Variants in DCHS1 observed in about 807,000 individuals in gnomAD.
DCHS1 encodes protocadherin-16.
Under a neutral mutation model 213.9 loss-of-function variants are expected in DCHS1, and 78 were observed. The observed-to-expected ratio is 0.36, with a 90% CI of 0.30 to 0.44. DCHS1 has a LOEUF of 0.44. Ranked by LOEUF, DCHS1 falls within the 20% of genes least tolerant of loss-of-function variation. The pLI is 1.00. For synonymous variants in DCHS1, 1,828 were observed against 1,873.7 expected (o/e 0.98, Z 0.63); for missense variants, 3,946 against 4,395.9 (o/e 0.90, Z 2.89).
Position 6,627,658 on chromosome 11 carries a change from G to C in DCHS1, c.5381C>G (p.Pro1794Arg). The C allele has an allele frequency of 6.2e-7, 1 of 1,612,372 alleles. No individual in the cohort carries two copies. Among genetic ancestry groups the C allele is most frequent in the Non-Finnish European group, 8.5e-7 (1 of 1,179,234 alleles). ...QLQYRILDGD[P>R]SGAFVLDLAS... ...AAGGTCTAGGACAAAGGCTCCTGAT[G>C]GGTCCCCATCTGCAGAGAAGGGCAT... is the stretch of plus-strand genomic sequence containing the variant. Residue 1794 changes from proline (P) to arginine (R), a missense_variant, in exon 14 of 21, where the codon CCA becomes CGA. By Grantham distance (103) the Pro-to-Arg change is moderately radical (BLOSUM62 -2). Around this residue, in one of 3 missense-constraint regions of DCHS1, gnomAD observed 3,384 missense variants for 3,780.1 expected, o/e 0.90. Transcript: ENST00000299441. The surrounding 1 kb of genome is among the most constrained non-coding windows in gnomAD (Gnocchi z 5.4).
rs771482735 is a variant in DCHS1, at chr11:6,631,182, G to T, written c.3801C>A (p.His1267Gln). 7 of 1,611,658 alleles carry T rather than the reference G, an allele frequency of 4.3e-6. No individual in the cohort carries two copies. In the South Asian group the frequency reaches 7.7e-5, roughly 18 times the overall value. The stretch of plus-strand genomic sequence containing the variant: ...CAGTGAGCAGCTCCCCTGAGTGAGG[G>T]TGCAGAGAGAAAAGCTCTGAGCCAG... ...TGPGSELFSL[H>Q]PHSGELLTAA... Residue 1267 changes from histidine to glutamine, a missense_variant, in exon 9 of 21, where the codon CAC becomes CAA. By Grantham distance (24) the His-to-Gln change is conservative (BLOSUM62 0). Around this residue, in one of 3 missense-constraint regions of DCHS1, gnomAD observed 3,384 missense variants for 3,780.1 expected, o/e 0.90. Coordinates refer to ENST00000299441, the MANE Select transcript of DCHS1 (RefSeq NM_003737.4).
In DCHS1 at chr11:6,622,261, C is replaced by T. The variant is rs1344899692; in HGVS notation, c.9415G>A (p.Gly3139Ser). ...PTGDYGFPAD[G>S]KPCVAGALTA... Reference sequence around the variant, plus strand: ...AGCGCACCTGCCACACATGGCTTGCCATCTGCTGGGAAGCCATAGTCCCCA... The same window carrying T: ...AGCGCACCTGCCACACATGGCTTGCTATCTGCTGGGAAGCCATAGTCCCCA... The change falls in exon 21 of 21, where the codon GGC becomes AGC. Residue 3139 changes from glycine to serine, a missense_variant. Gly to Ser is a moderately conservative substitution (Grantham distance 56). This residue lies in a region of DCHS1 where 554 missense variants were observed against 590.2 expected (regional missense o/e 0.94). Coordinates refer to ENST00000299441, the MANE Select transcript of DCHS1 (RefSeq NM_003737.4). The surrounding 1 kb of genome is among the most constrained non-coding windows in gnomAD (Gnocchi z 5.4). 6.2e-7 allele frequency: 1 copy of T among 1,604,640 alleles called. No homozygotes were observed. Among genetic ancestry groups the T allele is most frequent in the Non-Finnish European group, 8.5e-7 (1 of 1,176,650 alleles).
rs749367746 is a variant in DCHS1, at chr11:6,622,037, G to C, written c.9639C>G (p.Ala3213=). The change falls in exon 21 of 21, where the codon GCC becomes GCG. Residue 3213 remains alanine (A), a synonymous_variant. Transcript: ENST00000299441. The surrounding 1 kb of genome is among the most constrained non-coding windows in gnomAD (Gnocchi z 5.4). ...PLITAVAHPG[A]KSVPPKPANT... is the part of the protein sequence containing the mutation. The stretch of plus-strand genomic sequence containing the variant: ...TTGCTGGCTTGGGGGGCACAGACTT[G>C]GCTCCTGGGTGGGCCACGGCAGTGA... The C allele has an allele frequency of 5.0e-6, 8 of 1,613,044 alleles. No individual in the cohort carries two copies. The highest frequency in any genetic ancestry group is 5.9e-6 in the Non-Finnish European group (7 of 1,179,682).
chr11:6,640,894 C>A lies in DCHS1; in HGVS notation c.720G>T (p.Leu240=), dbSNP rs1278706968. The A allele has an allele frequency of 3.1e-6, 5 of 1,614,072 alleles. No individual in the cohort carries two copies. In the South Asian group the frequency reaches 5.5e-5, roughly 18 times the overall value. The change falls in exon 2 of 21, where the codon CTG becomes CTT. Residue 240 remains leucine, a synonymous_variant. Transcript: ENST00000299441. The surrounding 1 kb of genome is among the most constrained non-coding windows in gnomAD (Gnocchi z 6.5). ...TGATGTCCAGCAGTGTCACGTCCAG[C>A]AGGGCCTGGGCCCTCCGGGGGGGTG... is the stretch of plus-strand genomic sequence containing the variant. The part of the protein sequence containing the change: ...GGSPPRRAQA[L]LDVTLLDIND...
In DCHS1 at chr11:6,627,173, G is replaced by A. The variant is rs755681858; in HGVS notation, c.5866C>T (p.His1956Tyr). ...VTITVRDVND[H>Y]APTFPTSPLR... ...GGACTGGTGGGGAAGGTGGGTGCAT[G>A]GTCATTGACATCGCGCACCGTGATG... The change falls in exon 14 of 21, where the codon CAT becomes TAT. Residue 1956 changes from histidine (H) to tyrosine (Y), a missense_variant. Transcript: ENST00000299441. The surrounding 1 kb of genome is among the most constrained non-coding windows in gnomAD (Gnocchi z 5.4). The A allele has an allele frequency of 1.9e-6, 3 of 1,612,440 alleles. No individual in the cohort carries two copies. The highest frequency in any genetic ancestry group is 2.5e-6 in the Non-Finnish European group (3 of 1,179,148).
chr11:6,634,212 A>G lies in DCHS1; in HGVS notation c.1892T>C (p.Ile631Thr). 1.9e-6 allele frequency: 3 copies of G among 1,613,974 alleles called. No homozygotes were observed. The highest frequency in any genetic ancestry group is 1.1e-5 in the South Asian group (1 of 91,068). ...LGSSGSPPFR[I>T]DAHSGDVCTT... The stretch of plus-strand genomic sequence containing the variant: ...GCACACATCACCGCTGTGGGCATCA[A>G]TGCGGAATGGGGGAGATCCGGAGGA... The change falls in exon 3 of 21, where the codon ATT becomes ACT. Residue 631 changes from isoleucine (I) to threonine (T), a missense_variant. By Grantham distance (89) the Ile-to-Thr change is moderately conservative. Coordinates refer to ENST00000299441, the MANE Select transcript of DCHS1 (RefSeq NM_003737.4).
At chr11:6,630,898 A>G in intron 9 of DCHS1, 35 bp from the exon 10 acceptor site, 1 of 1,498,738 alleles carries the variant, frequency 6.7e-7, no homozygotes, top group East Asian at 2.4e-5. Context: ...CAGAATTGTG[A>G]GGGCCCGTGT....
Position 6,641,772 on chromosome 11 carries a change from G to A in DCHS1, c.-120-39C>T. On this transcript the variant is annotated intron_variant, in intron 1 of 20. Coordinates refer to ENST00000299441, the MANE Select transcript of DCHS1 (RefSeq NM_003737.4). This position sits in a 1 kb window ranked among gnomAD's most constrained non-coding sequence, Gnocchi z 7.1. ...GAAGGAAACGGGTCATGACAGAGGA[G>A]GGATCAGCAGTCCAGATAACCTGGA... is the stretch of plus-strand genomic sequence containing the variant. The A allele has an allele frequency of 7.1e-7, 1 of 1,417,864 alleles. No homozygotes were observed. Among genetic ancestry groups the A allele is most frequent in the South Asian group, 1.5e-5 (1 of 65,892 alleles). The allele number at this position is 1,417,864 out of a possible 1,614,324, so 87.8% of individuals were successfully genotyped here. A position where few individuals can be genotyped will look rare whatever the true frequency, so the allele number is the denominator to read the frequency against.
Position 6,625,571 on chromosome 11 carries a change from A to G in DCHS1, c.6862+26T>C. The G allele has an allele frequency of 6.2e-7, 1 of 1,613,322 alleles. No homozygotes were observed. The highest frequency in any genetic ancestry group is 8.5e-7 in the Non-Finnish European group (1 of 1,179,768). ...GAAAAATGTCTCTCTGCCACCCTTT[A>G]TGCCACCCACTTTACCCAGCCTCAC... On this transcript the variant is annotated intron_variant, in intron 18 of 20. Transcript: ENST00000299441. This position sits in a 1 kb window ranked among gnomAD's most constrained non-coding sequence, Gnocchi z 5.3.
chr11:6,630,829 G>C lies in DCHS1; in HGVS notation c.3965C>G (p.Pro1322Arg). The change falls in exon 10 of 21, where the codon CCA (proline) becomes CGA (arginine). Residue 1322 changes from proline (P) to arginine (R), a missense_variant. Pro to Arg is a moderately radical substitution (Grantham distance 103). Around this residue, in one of 3 missense-constraint regions of DCHS1, gnomAD observed 3,384 missense variants for 3,780.1 expected, o/e 0.90. Coordinates refer to ENST00000299441, the MANE Select transcript of DCHS1 (RefSeq NM_003737.4). The part of the protein sequence containing the change: ...LPSARLAEPP[P>R]DLAERDPAAP... ...CGCTGGGTCCCGCTCTGCGAGATCT[G>C]GGGGCGGCTCGGCCAAGCGAGCTGA... 1 of 1,529,964 alleles carries C rather than the reference G, an allele frequency of 6.5e-7. No homozygotes were observed. Among genetic ancestry groups the C allele is most frequent in the Non-Finnish European group, 8.8e-7 (1 of 1,134,714 alleles). 94.8% of individuals were successfully genotyped at this position (1,529,964 alleles called of 1,614,324 possible).
Position 6,626,242 on chromosome 11 carries a change from G to T in DCHS1, c.6503C>A (p.Ala2168Asp). The change falls in exon 16 of 21, where the codon GCT becomes GAT. Residue 2168 changes from alanine to aspartate, a missense_variant. This residue lies in a region of DCHS1 where 3,384 missense variants were observed against 3,780.1 expected (regional missense o/e 0.90). Transcript: ENST00000299441. This position sits in a 1 kb window ranked among gnomAD's most constrained non-coding sequence, Gnocchi z 5.2. ...TLTLQDANDN[A>D]PRFLRPHYVA... is the part of the protein sequence containing the mutation. ...ATAATGGGGCCGCAGGAAACGGGGA[G>T]CATTGTCGTTGGCATCTTGCAGGGT... The T allele has an allele frequency of 6.2e-7, 1 of 1,612,372 alleles. No individual in the cohort carries two copies. The highest frequency in any genetic ancestry group is 8.5e-7 in the Non-Finnish European group (1 of 1,179,206).
Position 6,622,907 on chromosome 11 carries a change from G to A in DCHS1, c.8769C>T (p.Thr2923=), listed in dbSNP as rs137942716. The part of the protein sequence containing the change: ...SATVPVTVDI[T]HTALGLAPDL... ...CAGGTGCCAGGCCCAGTGCGGTGTG[G>A]GTGATATCCACGGTCACAGGCACTG... The change falls in exon 21 of 21, where the codon ACC becomes ACT. Residue 2923 remains threonine (T), a synonymous_variant. Coordinates refer to ENST00000299441, the MANE Select transcript of DCHS1 (RefSeq NM_003737.4). This position sits in a 1 kb window ranked among gnomAD's most constrained non-coding sequence, Gnocchi z 5.4. 3.1e-5 allele frequency: 50 copies of A among 1,596,382 alleles called. No homozygotes were observed. The East Asian group carries it at 5.7e-4, about 18-fold the overall frequency.
Position 6,627,060 on chromosome 11 carries a change from A to T in DCHS1, c.5979T>A (p.Ala1993=). The T allele has an allele frequency of 6.2e-7, 1 of 1,613,596 alleles. No homozygotes were observed. The highest frequency in any genetic ancestry group is 1.7e-5 in the Admixed American group (1 of 60,028). ...GGTACAGAATGGAAGCATTGGCACC[A>T]GCATCACGATCTTCAGCTCTCAGTG... ...LATLRAEDRD[A]GANASILYRL... is the part of the protein sequence containing the mutation. The change falls in exon 14 of 21, where the codon GCT becomes GCA. Residue 1993 remains alanine (A), a synonymous_variant. Transcript: ENST00000299441. This position sits in a 1 kb window ranked among gnomAD's most constrained non-coding sequence, Gnocchi z 5.4.
rs1856307792 is a variant in DCHS1, at chr11:6,655,769, G to A, written c.-327C>T. ...GTCCGTCCGCTGACGCCCGGGCGCC[G>A]CCTCCTGCACAGCCGCCCCGCCGAG... is the stretch of plus-strand genomic sequence containing the variant. On this transcript the variant is annotated 5_prime_UTR_variant, in exon 1 of 21. Coordinates refer to ENST00000299441, the MANE Select transcript of DCHS1 (RefSeq NM_003737.4). 2.0e-6 allele frequency: 2 copies of A among 980,084 alleles called. No homozygotes were observed. The highest frequency in any genetic ancestry group is 2.4e-6 in the Non-Finnish European group (2 of 827,850). 60.7% of individuals were successfully genotyped at this position (980,084 alleles called of 1,614,324 possible).
At position 6,625,540 on chromosome 11, in the gene DCHS1, G is replaced by A; in HGVS notation, c.6862+57C>T. 6.2e-7 allele frequency: 1 copy of A among 1,611,554 alleles called. No individual in the cohort carries two copies. The highest frequency in any genetic ancestry group is 8.5e-7 in the Non-Finnish European group (1 of 1,179,230). On this transcript the variant is annotated intron_variant, in intron 18 of 20. Transcript: ENST00000299441. This position sits in a 1 kb window ranked among gnomAD's most constrained non-coding sequence, Gnocchi z 5.3. The stretch of plus-strand genomic sequence containing the variant: ...GACACAGCCCCACCTTGAGCTGCAG[G>A]GTGGAGAAAAATGTCTCTCTGCCAC...
Position 6,630,153 on chromosome 11 carries a change from G to C in DCHS1, c.4641C>G (p.Ala1547=), listed in dbSNP as rs746808175. Residue 1547 remains alanine, a synonymous_variant, in exon 10 of 21, where the codon GCC becomes GCG. Coordinates refer to ENST00000299441, the MANE Select transcript of DCHS1 (RefSeq NM_003737.4). ...TDENDNAPVF[A]SPSRVRLPED... is the part of the protein sequence containing the mutation. ...CTGGGAGGCGCACGCGTGACGGCGA[G>C]GCGAAGACAGGCGCGTTGTCATTCT... is the stretch of plus-strand genomic sequence containing the variant. 1 of 1,602,252 alleles carries C rather than the reference G, an allele frequency of 6.2e-7. No homozygotes were observed. Among genetic ancestry groups the C allele is most frequent in the Admixed American group, 1.7e-5 (1 of 58,898 alleles).
At chr11:6,642,215 T>C (rs891347624) in intron 1 of DCHS1, among the ~76,000 whole-genome samples, 2 of 152,150 alleles carry the variant, frequency 1.3e-5, no homozygotes, top group Admixed American at 6.6e-5. Flanking sequence ...AAGGGAATGA[T>C]GTTGTTTCCT....
chr11:6,621,961 T>TG lies in DCHS1; in HGVS notation c.9714dup (p.Ile3239HisfsTer4). 2 of 1,612,860 alleles carry TG rather than the reference T, an allele frequency of 1.2e-6. No individual in the cohort carries two copies. The highest frequency in any genetic ancestry group is 1.7e-6 in the Non-Finnish European group (2 of 1,179,636). On this transcript the variant is annotated frameshift_variant, in exon 21 of 21. Transcript: ENST00000299441. LOFTEE classifies it high-confidence loss of function. ...GAGGACAGGGAGCCTTCATGGCTGATGGGGGAGCGGTGAGAAGCTGGTGGG... is the reference window on the plus strand; with the variant it reads ...GAGGACAGGGAGCCTTCATGGCTGATGGGGGGAGCGGTGAGAAGCTGGTGGG...
Position 6,630,750 on chromosome 11 carries a change from G to A in DCHS1, c.4044C>T (p.Gly1348=). The change falls in exon 10 of 21, where the codon GGC becomes GGT. Residue 1348 remains glycine, a synonymous_variant. Coordinates refer to ENST00000299441, the MANE Select transcript of DCHS1 (RefSeq NM_003737.4). ...GCGCTGCCACCGAGCCCAACAGAGA[G>A]CCGGGCCGCAGTCCCTCAGCTGCTG... The part of the protein sequence containing the change: ...TVTAAEGLRP[G]SLLGSVAAPE... 1 of 1,545,690 alleles carries A rather than the reference G, an allele frequency of 6.5e-7. No homozygotes were observed. The highest frequency in any genetic ancestry group is 8.7e-7 in the Non-Finnish European group (1 of 1,147,382).
Sources: gnomAD v4.1 joint callset for allele counts (sites outside exome capture counted in the v4.1 genomes callset) on GRCh38, gnomAD v4.1.1 for gene constraint, gnomAD v4.1.1 regional missense constraint, Gnocchi (gnomAD v3.1) non-coding constraint, MANE v1.5 for transcripts, NCBI Gene and HGNC (gene_info 2026-07-23, HGNC 2026-07-21) for gene names.